The following DOCK4 variants were observed in gnomAD, a reference collection of about 807,000 sequenced individuals.
DOCK4 encodes dedicator of cytokinesis protein 4.
In DOCK4, 97 loss-of-function variants were observed where a neutral mutation model predicts 268.1. That is an observed-to-expected ratio of 0.36 (90% CI 0.31 to 0.43). The LOEUF is 0.43. DOCK4 is among the 20% of genes least tolerant of loss of function. The pLI is 1.00. For missense variants in DOCK4, 2,145 were observed against 2,455.7 expected, an observed-to-expected ratio of 0.87 and a Z score of 2.67; for synonymous variants, 954 against 887.2, an observed-to-expected ratio of 1.08 and a Z score of -1.34.
At chr7:112,019,667 T>C (rs1802148151) in intron 1 of DOCK4, among the ~76,000 whole-genome samples, 1 of 152,168 alleles carries the variant, frequency 6.6e-6, no homozygotes, top group Non-Finnish European at 1.5e-5. Flanking sequence ...ATAAATAAAT[T>C]TCCCTGCTGT....
intron 2 of DOCK4, among the ~76,000 whole-genome samples, chr7:112,001,214 G>A (rs969737200): frequency 2.0e-5 from 3 of 152,036 alleles, no homozygotes; most frequent in Non-Finnish European, 4.4e-5. Flanking sequence ...TCTTATCTGC[G>A]GTTTCACTTT....
intron 1 of DOCK4, 110 bp from the exon 2 acceptor site, chr7:112,004,241 C>A (rs1320228733): frequency 1.3e-6 from 1 of 760,616 alleles, no homozygotes; most frequent in Admixed American, 2.8e-5. Context: ...AATTTGATAG[C>A]TGGAACCCTC....
At chr7:111,740,729 TAAAAAAAAAAAAAAAAA>T (rs59019816) in intron 47 of DOCK4, among the ~76,000 whole-genome samples, 2 of 16,472 alleles carry the variant, frequency 1.2e-4, no homozygotes, top group African/African-American at 2.9e-4. Flanking sequence ...TGAGACTCGC[TAAAAAAAAAAAAAAAAA>T]AAAAAAAAAA....
At chr7:112,005,558 C>T (rs1012235125) in intron 1 of DOCK4, among the ~76,000 whole-genome samples, 4 of 152,194 alleles carry the variant, frequency 2.6e-5, no homozygotes, top group African/African-American at 9.7e-5. Flanking sequence ...GTCTATATAT[C>T]TTGACAGATT....
chr7:111,935,480 A>G, intron 12 of DOCK4, 60 bp downstream of exon 12: 14 of 1,470,614 alleles, frequency 9.5e-6, no homozygotes, highest in Non-Finnish European at 1.0e-5. Context: ...CAAACAGACA[A>G]ACAAAAAAAA....
chr7:112,038,004 G>A (rs1470294691), intron 1 of DOCK4, among the ~76,000 whole-genome samples: 1 of 152,066 alleles, frequency 6.6e-6, no homozygotes, highest in Non-Finnish European at 1.5e-5. Context: ...AAGTCAAAAG[G>A]TTATCCAGTT....
chr7:111,959,977 C>A (rs985645757), intron 8 of DOCK4, among the ~76,000 whole-genome samples: 10 of 152,298 alleles, frequency 6.6e-5, no homozygotes, highest in African/African-American at 2.4e-4. Context: ...CTCAGCAATT[C>A]TATGAGCCCT....
At chr7:111,897,003 C>G (rs542590889) in intron 15 of DOCK4, among the ~76,000 whole-genome samples, 2 of 152,144 alleles carry the variant, frequency 1.3e-5, no homozygotes, top group Non-Finnish European at 2.9e-5. Context: ...AATACAGGAA[C>G]TTGAATCTAC....
chr7:111,762,762 CTT>C (rs869052136), intron 39 of DOCK4, among the ~76,000 whole-genome samples: 14,417 of 64,080 alleles, frequency 0.22, 1,318 homozygotes, highest in African/African-American at 0.33. Flanking sequence ...GTTTTGTTTT[CTT>C]TTTTTTTTTT....
At chr7:111,921,926 G>C (rs1793169650) in intron 12 of DOCK4, among the ~76,000 whole-genome samples, 1 of 152,154 alleles carries the variant, frequency 6.6e-6, no homozygotes, top group African/African-American at 2.4e-5. Flanking sequence ...CTTACCACCA[G>C]ATAAATCCAA....
intron 12 of DOCK4, among the ~76,000 whole-genome samples, chr7:111,917,638 G>A (rs970363308): frequency 6.6e-6 from 1 of 151,712 alleles, no homozygotes; most frequent in Non-Finnish European, 1.5e-5. Flanking sequence ...CCCGGGAGGT[G>A]GAGCTTGCAG....
intron 13 of DOCK4, among the ~76,000 whole-genome samples, chr7:111,914,281 C>T (rs1309709818): frequency 6.6e-6 from 1 of 152,182 alleles, no homozygotes; most frequent in Non-Finnish European, 1.5e-5. Flanking sequence ...TTCAAACAGC[C>T]TCCAAACCGG....
intron 8 of DOCK4, among the ~76,000 whole-genome samples, chr7:111,946,579 T>A (rs1441663747): frequency 1.3e-5 from 2 of 152,206 alleles, no homozygotes; most frequent in African/African-American, 4.8e-5. Context: ...ATGCCATTTA[T>A]TTATTTATTA....
At chr7:111,747,566 G>C (rs1796358099) in intron 42 of DOCK4, 123 bp from the exon 43 acceptor site, 6 of 931,560 alleles carry the variant, frequency 6.4e-6, no homozygotes, top group Admixed American at 5.6e-5. Context: ...ATCTCTACCA[G>C]GGGCCATTCC....
At position 111,755,672 on chromosome 7, in the gene DOCK4, G is replaced by A. The variant is rs1796973558; in HGVS notation, c.4330-71C>T. 4 of 1,367,930 alleles carry A rather than the reference G, an allele frequency of 2.9e-6. No homozygotes were observed. The African/African-American group carries it at 4.3e-5, about 15-fold the overall frequency. The allele number at this position is 1,367,930 out of a possible 1,614,324, so 84.7% of individuals were successfully genotyped here. ...CTAGCTACTTCCATGACTAGTGTTT[G>A]TCGGTCACTGTTACCAGGCTTTGCT... On this transcript the variant is annotated intron_variant, in intron 41 of 52. Coordinates refer to ENST00000428084, the MANE Select transcript of DOCK4 (RefSeq NM_001363540.2).
At chr7:112,057,928 T>C (rs1047752182) in intron 1 of DOCK4, among the ~76,000 whole-genome samples, 2 of 151,896 alleles carry the variant, frequency 1.3e-5, no homozygotes, top group African/African-American at 4.8e-5. Flanking sequence ...TTAAAATGTC[T>C]GTTTTTGTAA....
chr7:111,949,113 T>C (rs1170955759), intron 8 of DOCK4, among the ~76,000 whole-genome samples: 1 of 152,172 alleles, frequency 6.6e-6, no homozygotes, highest in East Asian at 1.9e-4. Flanking sequence ...AATGTGAGCA[T>C]TTTCCCTTCT....
chr7:112,058,053 T>C (rs634010), intron 1 of DOCK4, among the ~76,000 whole-genome samples: 100,278 of 136,560 alleles, frequency 0.73, 37,497 homozygotes, highest in African/African-American at 0.89. Flanking sequence ...TTTTTTTTAC[T>C]AGTAGAGTTT....
chr7:111,869,304 T>C (rs1806230432), intron 21 of DOCK4, among the ~76,000 whole-genome samples: 1 of 152,044 alleles, frequency 6.6e-6, no homozygotes, highest in South Asian at 2.1e-4. Flanking sequence ...ACCCTCCCTC[T>C]CTCCTGCTCA....
Sources: allele counts gnomAD v4.1 joint callset (sites outside exome capture counted in the v4.1 genomes callset), GRCh38; gene constraint gnomAD v4.1.1; transcripts MANE v1.5; gene names NCBI Gene and HGNC (gene_info 2026-07-23, HGNC 2026-07-21).